Variants in BCKDHB observed in about 807,000 individuals in gnomAD.
BCKDHB encodes the protein branched chain keto acid dehydrogenase E1 subunit beta, also known as 2-oxoisovalerate dehydrogenase subunit beta, mitochondrial.
BCKDHB carries 41 observed loss-of-function variants against 48.5 expected under a neutral mutation model. That is an observed-to-expected ratio of 0.85 (90% CI 0.66 to 1.10). The LOEUF (loss-of-function observed/expected upper bound fraction) is 1.10, where lower values mean the gene tolerates loss of function less well. BCKDHB is among the 50% of genes least tolerant of loss of function. The pLI, the probability that BCKDHB is intolerant of heterozygous loss-of-function variation, is 0.00. For synonymous variants in BCKDHB, 201 were observed against 174.8 expected (o/e 1.15, Z -1.18); for missense variants, 496 against 494.2 (o/e 1.00, Z -0.03).
At chr6:80,234,693 T>C (rs1487657685) in intron 8 of BCKDHB, among the ~76,000 whole-genome samples, 1 of 151,998 alleles carries the variant, frequency 6.6e-6, no homozygotes, top group Non-Finnish European at 1.5e-5. Context: ...TGGCTGTGTA[T>C]ACTAAAAAAA....
intron 1 of BCKDHB, among the ~76,000 whole-genome samples, chr6:80,110,148 G>A (rs1266584830): frequency 6.6e-6 from 1 of 152,182 alleles, no homozygotes; most frequent in East Asian, 1.9e-4. Context: ...TGGCATGTTT[G>A]CTCCCTTTAT....
chr6:80,200,958 A>G lies in BCKDHB; in HGVS notation c.767A>G (p.Tyr256Cys), dbSNP rs1384040769. The G allele has an allele frequency of 6.2e-7, 1 of 1,612,428 alleles. No individual in the cohort carries two copies. The highest frequency in any genetic ancestry group is 8.5e-7 in the Non-Finnish European group (1 of 1,178,812). ...AAAEEVPIEP[Y>C]NIPLSQAEVI... ...GCGGAAGAAGTCCCTATAGAACCATACAACATCCCACTGTCCCAGGCCGAA... is the reference window on the plus strand; with the variant it reads ...GCGGAAGAAGTCCCTATAGAACCATGCAACATCCCACTGTCCCAGGCCGAA... Residue 256 changes from tyrosine to cysteine, a missense_variant, in exon 7 of 10, where the codon TAC becomes TGC. Transcript: ENST00000320393.
chr6:80,337,549 G>A (rs1230319250), intron 9 of BCKDHB, among the ~76,000 whole-genome samples: 1 of 151,694 alleles, frequency 6.6e-6, no homozygotes, highest in Admixed American at 6.6e-5. Context: ...GAGAAGAAAT[G>A]ATAGCTCCAT....
chr6:80,243,414 T>C (rs1776475113), intron 8 of BCKDHB, among the ~76,000 whole-genome samples: 1 of 152,238 alleles, frequency 6.6e-6, no homozygotes, highest in Middle Eastern at 3.2e-3. Flanking sequence ...ATATAGCTGA[T>C]ATAAGAAGAT....
At chr6:80,430,199 G>A in the BCKDHB span, among the ~76,000 whole-genome samples, 58,440 of 152,060 alleles carry the variant, frequency 0.38, 14,027 homozygotes, top group Non-Finnish European at 0.54. Flanking sequence ...CCAGCCTTGC[G>A]TCCCAGGTAT....
At position 80,344,977 on chromosome 6, in the gene BCKDHB, A is replaced by G. The variant is rs1287611085; in HGVS notation, c.*1173A>G. 6.6e-6 allele frequency: 1 copy of G among 152,152 alleles called. No homozygotes were observed. Among genetic ancestry groups the G allele is most frequent in the Non-Finnish European group, 1.5e-5 (1 of 68,032 alleles). 9.4% of individuals were successfully genotyped at this position (152,152 alleles called of 1,614,324 possible). ...ATCTGTTTATTGTATGTAAGGAAAA[A>G]TTTTACCTGAAAACAAACAAACAAA... On this transcript the variant is annotated 3_prime_UTR_variant, in exon 10 of 10. Coordinates refer to ENST00000320393, the MANE Select transcript of BCKDHB (RefSeq NM_183050.4).
the BCKDHB span, among the ~76,000 whole-genome samples, chr6:80,431,338 G>C: frequency 6.6e-6 from 1 of 152,182 alleles, no homozygotes; most frequent in South Asian, 2.1e-4. Context: ...TATTAGGCCT[G>C]CTTGGTCCAG....
intron 8 of BCKDHB, among the ~76,000 whole-genome samples, chr6:80,214,690 A>G (rs1775089254): frequency 6.6e-6 from 1 of 152,240 alleles, no homozygotes; most frequent in South Asian, 2.1e-4. Flanking sequence ...GCCATTGTAA[A>G]TTAAACATAT....
chr6:80,389,763 G>A, the BCKDHB span, among the ~76,000 whole-genome samples: 2 of 152,020 alleles, frequency 1.3e-5, no homozygotes, highest in Admixed American at 1.3e-4. Flanking sequence ...GTGACAATAC[G>A]ATGCAGGGCT....
intron 8 of BCKDHB, among the ~76,000 whole-genome samples, chr6:80,270,534 G>T (rs910586325): frequency 6.6e-6 from 1 of 151,912 alleles, no homozygotes; most frequent in African/African-American, 2.4e-5. Context: ...TACTTTTATT[G>T]TATTTTTCCT....
chr6:80,140,363 G>A (rs1240905958), intron 3 of BCKDHB, among the ~76,000 whole-genome samples: 2 of 152,184 alleles, frequency 1.3e-5, no homozygotes, highest in Non-Finnish European at 2.9e-5. Context: ...GGTGAGAGAG[G>A]ACATCCCTGT....
At chr6:80,208,653 A>C (rs1250740294) in intron 8 of BCKDHB, among the ~76,000 whole-genome samples, 1 of 151,936 alleles carries the variant, frequency 6.6e-6, no homozygotes, top group Non-Finnish European at 1.5e-5. Flanking sequence ...GATGTTATGA[A>C]TAATTTTACA....
intron 9 of BCKDHB, among the ~76,000 whole-genome samples, chr6:80,339,161 C>G (rs147289395): frequency 2.0e-5 from 3 of 151,906 alleles, no homozygotes; most frequent in African/African-American, 7.3e-5. Flanking sequence ...TTGAGAGATC[C>G]CAAGGAAACC....
chr6:80,410,032 T>C, the BCKDHB span, among the ~76,000 whole-genome samples: 1 of 152,200 alleles, frequency 6.6e-6, no homozygotes, highest in Non-Finnish European at 1.5e-5. Context: ...ATGCAGTTTC[T>C]TCCTAGCATC....
At chr6:80,437,395 C>G in the BCKDHB span, among the ~76,000 whole-genome samples, 2,356 of 152,092 alleles carry the variant, frequency 0.015, 40 homozygotes, top group Middle Eastern at 0.048. Context: ...TTGCAAAGAG[C>G]CTCATTTTTC....
At chr6:80,444,950 A>AT in the BCKDHB span, among the ~76,000 whole-genome samples, 1 of 152,150 alleles carries the variant, frequency 6.6e-6, no homozygotes, top group Non-Finnish European at 1.5e-5. Flanking sequence ...CTGATACAGA[A>AT]TTTTTTAAGA....
At chr6:80,288,112 TGTTAGTA>T (rs1766717404) in intron 9 of BCKDHB, among the ~76,000 whole-genome samples, 1 of 151,826 alleles carries the variant, frequency 6.6e-6, no homozygotes, top group Non-Finnish European at 1.5e-5. Flanking sequence ...CCAAATTGGG[TGTTAGTA>T]GTTAGTATTA....
the BCKDHB span, among the ~76,000 whole-genome samples, chr6:80,424,386 A>G: frequency 1.3e-5 from 2 of 152,236 alleles, no homozygotes; most frequent in East Asian, 1.9e-4. Context: ...AGAATACTGC[A>G]TATTTTTATT....
Position 80,106,880 on chromosome 6 carries a change from C to A in BCKDHB, c.187C>A (p.Arg63=). The A allele has an allele frequency of 6.2e-7, 1 of 1,606,026 alleles. No individual in the cohort carries two copies. Among genetic ancestry groups the A allele is most frequent in the Non-Finnish European group, 8.5e-7 (1 of 1,177,078 alleles). ...TACTTTCCAGCCAGATCCGGAGCCCCGGGAGTACGGTGAGCCCTGGGACTG... is the reference window on the plus strand; with the variant it reads ...TACTTTCCAGCCAGATCCGGAGCCCAGGGAGTACGGTGAGCCCTGGGACTG... ...HFTFQPDPEP[R]EYGQTQKMNL... The change falls in exon 1 of 10, where the codon CGG becomes AGG. Residue 63 remains arginine (R), a synonymous_variant. Transcript: ENST00000320393.
Sources: allele counts gnomAD v4.1 joint callset (sites outside exome capture counted in the v4.1 genomes callset), GRCh38; gene constraint gnomAD v4.1.1; transcripts MANE v1.5; gene names NCBI Gene and HGNC (gene_info 2026-07-23, HGNC 2026-07-21).